GNAO1: variants seen among roughly 807,000 people sequenced by gnomAD.
GNAO1 encodes guanine nucleotide-binding protein G(o) subunit alpha.
For synonymous variants in GNAO1, 164 were observed against 180.7 expected (o/e 0.91, Z 0.74); for missense variants, 166 against 478.7 (o/e 0.35, Z 6.10).
At chr16:56,288,250 C>T (rs2037193236) in intron 3 of GNAO1, among the ~76,000 whole-genome samples, 1 of 152,194 alleles carries the variant, frequency 6.6e-6, no homozygotes, top group Non-Finnish European at 1.5e-5. Flanking sequence ...TACTGCTGCT[C>T]AGAGCTCAGC....
intron 2 of GNAO1, among the ~76,000 whole-genome samples, chr16:56,247,336 C>T (rs183560642): frequency 5.3e-5 from 8 of 152,314 alleles, no homozygotes; most frequent in African/African-American, 1.7e-4. Flanking sequence ...CCTTCTAGGC[C>T]GCAAAATGTC....
At position 56,321,532 on chromosome 16, in the gene GNAO1, C is replaced by G. The variant is rs115654445; in HGVS notation, c.304-7099C>G. On this transcript the variant is annotated intron_variant, in intron 3 of 8. Transcript: ENST00000262493. Reference sequence around the variant, plus strand: ...AGGGATTCTTTGTCCACCCCAGACTCTTCACAGGCCAGTGAGATGGGTTGG... The same window carrying G: ...AGGGATTCTTTGTCCACCCCAGACTGTTCACAGGCCAGTGAGATGGGTTGG... Among the ~76,000 whole-genome samples, 378 of 152,300 alleles carry G rather than the reference C, an allele frequency of 2.5e-3. 2 individuals are homozygous for G. Among genetic ancestry groups the G allele is most frequent in the African/African-American group, 8.6e-3 (359 of 41,562 alleles).
At chr16:56,331,685 C>T (rs1176991308) in intron 4 of GNAO1, among the ~76,000 whole-genome samples, 2 of 152,202 alleles carry the variant, frequency 1.3e-5, no homozygotes, top group East Asian at 1.9e-4. Flanking sequence ...TATCCCGTCC[C>T]CAAGCTCCAT....
chr16:56,210,290 C>A (rs1394700593), intron 2 of GNAO1, among the ~76,000 whole-genome samples: 1 of 152,122 alleles, frequency 6.6e-6, no homozygotes, highest in African/African-American at 2.4e-5. Context: ...TCTGGATATA[C>A]CACAGTTGTT....
chr16:56,204,771 G>T (rs1427403067), intron 2 of GNAO1, among the ~76,000 whole-genome samples: 5 of 152,160 alleles, frequency 3.3e-5, no homozygotes. Context: ...AAATAGGTCT[G>T]GACTGGGAGT....
intron 3 of GNAO1, among the ~76,000 whole-genome samples, chr16:56,321,163 G>A (rs2037567944): frequency 6.6e-6 from 1 of 152,198 alleles, no homozygotes; most frequent in Non-Finnish European, 1.5e-5. Context: ...CCACACATTA[G>A]CCTTGGCCGA....
chr16:56,309,160 G>GCCAC (rs1664340006), intron 3 of GNAO1, among the ~76,000 whole-genome samples: 1 of 152,078 alleles, frequency 6.6e-6, no homozygotes, highest in South Asian at 2.1e-4. Context: ...AGGCAGGGTG[G>GCCAC]GCTCCCTCTT....
intron 2 of GNAO1, among the ~76,000 whole-genome samples, chr16:56,225,408 A>G (rs928601140): frequency 5.3e-5 from 8 of 152,358 alleles, no homozygotes; most frequent in Middle Eastern, 3.4e-3. Flanking sequence ...GGTTTACTGC[A>G]GGTATGACTT....
intron 2 of GNAO1, among the ~76,000 whole-genome samples, chr16:56,257,955 T>C (rs190350123): frequency 5.0e-4 from 76 of 152,364 alleles, no homozygotes; most frequent in African/African-American, 1.7e-3. Context: ...CATGTCCGAT[T>C]CTTCAGGAGA....
intron 3 of GNAO1, among the ~76,000 whole-genome samples, chr16:56,304,189 C>A (rs2037371022): frequency 6.6e-6 from 1 of 152,230 alleles, no homozygotes; most frequent in Non-Finnish European, 1.5e-5. Flanking sequence ...GCCACCCTCA[C>A]CGGGGAGAGC....
At chr16:56,241,118 G>T (rs1416578377) in intron 2 of GNAO1, among the ~76,000 whole-genome samples, 1 of 152,228 alleles carries the variant, frequency 6.6e-6, no homozygotes, top group Non-Finnish European at 1.5e-5. Context: ...AGCCCAAGCG[G>T]AGCATGCAGT....
intron 2 of GNAO1, among the ~76,000 whole-genome samples, chr16:56,210,555 G>A (rs192168415): frequency 6.6e-6 from 1 of 152,336 alleles, no homozygotes; most frequent in Non-Finnish European, 1.5e-5. Context: ...GCGAGTTCCT[G>A]TTGTCTGCAA....
intron 2 of GNAO1, among the ~76,000 whole-genome samples, chr16:56,222,772 T>G (rs551634586): frequency 1.1e-4 from 16 of 152,130 alleles, no homozygotes; most frequent in South Asian, 4.1e-4. Flanking sequence ...TTTCATCCAG[T>G]CCTTTCCCTT....
At chr16:56,341,076 C>G (rs2037798199) in intron 6 of GNAO1, 1 of 1,049,112 alleles carries the variant, frequency 9.5e-7, no homozygotes, top group African/African-American at 1.6e-5. Flanking sequence ...CTGTGGATGC[C>G]CCTGACTCTG....
intron 2 of GNAO1, chr16:56,194,180 C>T (rs2036209067): frequency 2.2e-6 from 1 of 456,518 alleles, no homozygotes; most frequent in Non-Finnish European, 4.4e-6. Flanking sequence ...GGGCTTTCTT[C>T]GCAGAGCCCC....
At chr16:56,222,941 G>A (rs2036504407) in intron 2 of GNAO1, among the ~76,000 whole-genome samples, 1 of 152,196 alleles carries the variant, frequency 6.6e-6, no homozygotes, top group Admixed American at 6.5e-5. Flanking sequence ...GCGTGGTTGA[G>A]TATCTGTGTT....
chr16:56,286,683 T>G (rs2037172688), intron 3 of GNAO1, among the ~76,000 whole-genome samples: 1 of 150,066 alleles, frequency 6.7e-6, no homozygotes, highest in African/African-American at 2.5e-5. Flanking sequence ...TCTCTTTCTG[T>G]CTCTGTCGCC....
At chr16:56,274,290 G>T (rs1167356460) in intron 2 of GNAO1, among the ~76,000 whole-genome samples, 2 of 152,150 alleles carry the variant, frequency 1.3e-5, no homozygotes, top group African/African-American at 2.4e-5. Context: ...TTTTCTAGTT[G>T]TTTACAGTGG....
At chr16:56,342,046 A>C (rs1567491962) in intron 6 of GNAO1, among the ~76,000 whole-genome samples, 1 of 152,172 alleles carries the variant, frequency 6.6e-6, no homozygotes, top group African/African-American at 2.4e-5. Context: ...GCCAGGACCC[A>C]GGCATGTCCA....
Sources: allele counts gnomAD v4.1 joint callset (sites outside exome capture counted in the v4.1 genomes callset), GRCh38; gene constraint gnomAD v4.1.1; transcripts MANE v1.5; gene names NCBI Gene and HGNC (gene_info 2026-07-23, HGNC 2026-07-21).